The following YAP1 variants were observed in gnomAD, a reference collection of about 807,000 sequenced individuals.
YAP1 encodes transcriptional coactivator YAP1.
Under a neutral mutation model 56.9 loss-of-function variants are expected in YAP1, and 5 were observed. That is an observed-to-expected ratio of 0.09 (90% CI 0.05 to 0.18). YAP1 has a LOEUF of 0.18. YAP1 is among the 10% of genes least tolerant of loss of function. The pLI, the probability that YAP1 is intolerant of heterozygous loss-of-function variation, is 1.00. For missense variants in YAP1, 539 were observed against 651.8 expected (o/e 0.83, Z 1.88); for synonymous variants, 265 against 248.1 (o/e 1.07, Z -0.64).
intron 2 of YAP1, among the ~76,000 whole-genome samples, chr11:102,122,674 A>G (rs1408675896): frequency 1.3e-5 from 2 of 151,994 alleles, no homozygotes; most frequent in Non-Finnish European, 2.9e-5. Flanking sequence ...CGGGCGGATC[A>G]CCTGAGGTCA....
chr11:102,111,262 G>A, intron 1 of YAP1, 93 bp downstream of exon 1: 2 of 1,487,272 alleles, frequency 1.3e-6, no homozygotes. Flanking sequence ...CTGGTCAGGG[G>A]AGGGGGGTTG....
intron 4 of YAP1, among the ~76,000 whole-genome samples, chr11:102,188,386 AC>A (rs1005554806): frequency 5.3e-5 from 8 of 152,212 alleles, no homozygotes; most frequent in Non-Finnish European, 1.2e-4. Flanking sequence ...GCTCCTTCAA[AC>A]AACCCCTTTT....
chr11:102,202,101 T>C (rs1948891100), intron 4 of YAP1, among the ~76,000 whole-genome samples: 1 of 152,118 alleles, frequency 6.6e-6, no homozygotes, highest in Non-Finnish European at 1.5e-5. Context: ...TATTTTCAAA[T>C]CTGTGATTTC....
intron 2 of YAP1, among the ~76,000 whole-genome samples, chr11:102,161,264 G>A (rs1384044584): frequency 4.0e-5 from 6 of 150,452 alleles, no homozygotes; most frequent in Admixed American, 2.0e-4. Flanking sequence ...GGGTTTCACC[G>A]TGTTAGCCAG....
chr11:102,181,845 G>A (rs985302417), intron 3 of YAP1, among the ~76,000 whole-genome samples: 13 of 152,044 alleles, frequency 8.6e-5, no homozygotes, highest in South Asian at 2.1e-4. Flanking sequence ...TTTTTGAGAC[G>A]GAGTCTCACC....
At chr11:102,134,678 T>G (rs1944568834) in intron 2 of YAP1, among the ~76,000 whole-genome samples, 1 of 152,048 alleles carries the variant, frequency 6.6e-6, no homozygotes, top group Non-Finnish European at 1.5e-5. Flanking sequence ...CCTTTCCCTC[T>G]ATCCAGAGGT....
intron 3 of YAP1, among the ~76,000 whole-genome samples, chr11:102,174,819 G>T (rs777611289): frequency 1.5e-4 from 23 of 152,188 alleles, no homozygotes; most frequent in Non-Finnish European, 1.0e-4. Context: ...TTGGGGTACA[G>T]GGAGGCATCT....
intron 8 of YAP1, among the ~76,000 whole-genome samples, chr11:102,229,382 G>A (rs1282822632): frequency 2.0e-5 from 3 of 152,140 alleles, no homozygotes; most frequent in Non-Finnish European, 4.4e-5. Context: ...TGATGCTGTC[G>A]TGTTGTGTAC....
chr11:102,169,609 T>A (rs1383000027), intron 3 of YAP1, among the ~76,000 whole-genome samples: 1 of 152,250 alleles, frequency 6.6e-6, no homozygotes, highest in African/African-American at 2.4e-5. Context: ...TCCAAATACC[T>A]TTTTTAAAAA....
chr11:102,229,954 A>G lies in YAP1; in HGVS notation c.*14A>G. On this transcript the variant is annotated 3_prime_UTR_variant, in exon 9 of 9. Coordinates refer to ENST00000282441, the MANE Select transcript of YAP1 (RefSeq NM_001130145.3). ...ACATGGTTATAGAGCCCTCAGGCAG[A>G]CTGAATTCTAAATCTGTGAAGGATC... 1 of 1,607,292 alleles carries G rather than the reference A, an allele frequency of 6.2e-7. No homozygotes were observed.
At chr11:102,165,888 T>C (rs543294228) in intron 3 of YAP1, among the ~76,000 whole-genome samples, 9 of 152,172 alleles carry the variant, frequency 5.9e-5, no homozygotes, top group Non-Finnish European at 1.2e-4. Context: ...GTAGATAATA[T>C]TGGGGAACTG....
chr11:102,207,797 A>G lies in YAP1; in HGVS notation c.985-1720A>G, dbSNP rs374780018. ...TCCATACAATTCTAGTGTGATTGGC[A>G]TCAAAGGTAAACCCTGATAGAAGGA... is the stretch of plus-strand genomic sequence containing the variant. On this transcript the variant is annotated intron_variant, in intron 5 of 8. Transcript: ENST00000282441. Among the ~76,000 whole-genome samples the G allele has an allele frequency of 4.6e-5, 7 of 152,330 alleles. No individual in the cohort carries two copies. The South Asian group carries it at 1.0e-3, about 23-fold the overall frequency.
intron 6 of YAP1, among the ~76,000 whole-genome samples, chr11:102,220,640 A>G (rs1949882160): frequency 6.6e-6 from 1 of 152,202 alleles, no homozygotes; most frequent in South Asian, 2.1e-4. Flanking sequence ...AGACTAGACT[A>G]GTAAGGAGAG....
intron 3 of YAP1, among the ~76,000 whole-genome samples, chr11:102,181,823 T>C (rs1334979533): frequency 6.6e-6 from 1 of 152,174 alleles, no homozygotes; most frequent in Non-Finnish European, 1.5e-5. Context: ...TTTTGTTTGT[T>C]TTTGTTGTTG....
chr11:102,111,954 C>T (rs1306148861), intron 1 of YAP1, among the ~76,000 whole-genome samples: 1 of 152,110 alleles, frequency 6.6e-6, no homozygotes, highest in East Asian at 1.9e-4. Context: ...CACCCCTGCT[C>T]TTCCCTTGTG....
intron 2 of YAP1, among the ~76,000 whole-genome samples, chr11:102,122,146 G>A (rs535200310): frequency 1.3e-5 from 2 of 152,248 alleles, no homozygotes; most frequent in South Asian, 2.1e-4. Flanking sequence ...GGGGCCTGGC[G>A]CAGTGGCTCA....
At chr11:102,219,867 G>A (rs139400013) in intron 6 of YAP1, among the ~76,000 whole-genome samples, 1,634 of 151,948 alleles carry the variant, frequency 0.011, 11 homozygotes, top group Non-Finnish European at 0.016. Context: ...GAGTAGCTGG[G>A]ACTACAGGCA....
chr11:102,132,000 C>T (rs1391661508), intron 2 of YAP1, among the ~76,000 whole-genome samples: 1 of 152,130 alleles, frequency 6.6e-6, no homozygotes, highest in African/African-American at 2.4e-5. Context: ...CGCCTGTTGT[C>T]CCAGCTACTC....
At chr11:102,114,069 C>T (rs1943128835) in intron 1 of YAP1, 75 bp from the exon 2 acceptor site, 6 of 1,470,778 alleles carry the variant, frequency 4.1e-6, no homozygotes, top group South Asian at 1.5e-5. Flanking sequence ...TGCAATTAAG[C>T]GCTGACTGGG....
Sources: gnomAD v4.1 joint callset for allele counts (sites outside exome capture counted in the v4.1 genomes callset) on GRCh38, gnomAD v4.1.1 for gene constraint, MANE v1.5 for transcripts, NCBI Gene and HGNC (gene_info 2026-07-23, HGNC 2026-07-21) for gene names.